WNK1: variants seen among roughly 807,000 people sequenced by gnomAD.
The protein encoded by WNK1 is serine/threonine-protein kinase WNK1.
Under a neutral mutation model 222.8 loss-of-function variants are expected in WNK1, and 38 were observed. That is an observed-to-expected ratio of 0.17 (90% CI 0.13 to 0.22). The LOEUF (loss-of-function observed/expected upper bound fraction) is 0.22. WNK1 is among the 10% of genes least tolerant of loss of function. WNK1 has a pLI of 1.00. For missense variants in WNK1, 2,348 were observed against 2,918.4 expected (o/e 0.80, Z 4.50); for synonymous variants, 1,090 against 1,092.9 (o/e 1.00, Z 0.05).
chr12:781,592 A>T (rs930039332), intron 1 of WNK1, among the ~76,000 whole-genome samples: 1 of 152,192 alleles, frequency 6.6e-6, no homozygotes, highest in African/African-American at 2.4e-5. Flanking sequence ...ATTATAATTA[A>T]ATGATCTGTT....
In WNK1 at chr12:764,601, A is replaced by T. The variant is rs564586020; in HGVS notation, c.759+10277A>T. ...TGGTGAGCCGAGATCACAGCATTGC[A>T]CTCCAGCCTGGGCAACGAGCGAAAC... On this transcript the variant is annotated intron_variant, in intron 1 of 27. Coordinates refer to ENST00000315939, the MANE Select transcript of WNK1 (RefSeq NM_018979.4). Among the ~76,000 whole-genome samples the T allele has an allele frequency of 2.0e-3, 252 of 122,996 alleles. 7 individuals carry two copies. Among genetic ancestry groups the T allele is most frequent in the African/African-American group, 7.2e-3 (248 of 34,640 alleles). 80.7% of individuals were successfully genotyped at this position (122,996 alleles called of 152,430 possible).
At chr12:866,640 G>A (rs531537882) in intron 8 of WNK1, among the ~76,000 whole-genome samples, 26 of 152,250 alleles carry the variant, frequency 1.7e-4, no homozygotes, top group African/African-American at 4.3e-4. Context: ...GATTACAGGC[G>A]TGAGCCACCG....
At chr12:859,727 A>C (rs906954026) in intron 6 of WNK1, among the ~76,000 whole-genome samples, 1 of 144,416 alleles carries the variant, frequency 6.9e-6, no homozygotes, top group East Asian at 2.0e-4. Context: ...TTTTTGATGG[A>C]GAGAGAGACA....
chr12:771,635 A>G (rs1051983137), intron 1 of WNK1, among the ~76,000 whole-genome samples: 22 of 151,890 alleles, frequency 1.4e-4, no homozygotes, highest in African/African-American at 5.1e-4. Flanking sequence ...CGGTTTCACC[A>G]TATTGGCCCG....
intron 1 of WNK1, 90 bp downstream of exon 1, chr12:754,414 A>C: frequency 6.4e-7 from 1 of 1,558,490 alleles, no homozygotes; most frequent in Non-Finnish European, 8.8e-7. Flanking sequence ...TTCACTTGGC[A>C]TTCTCTGTTG....
chr12:831,064 C>T (rs1333705660), intron 4 of WNK1, among the ~76,000 whole-genome samples: 1 of 152,068 alleles, frequency 6.6e-6, no homozygotes, highest in East Asian at 1.9e-4. Flanking sequence ...CTAGTTTATT[C>T]TTCTATATTT....
At position 844,308 on chromosome 12, in the gene WNK1, A is replaced by T. The variant is rs145790669; in HGVS notation, c.1312-12853A>T. On this transcript the variant is annotated intron_variant, in intron 4 of 27. Coordinates refer to ENST00000315939, the MANE Select transcript of WNK1 (RefSeq NM_018979.4). ...GGGCCACCACAGCCGGCTAACATGT[A>T]TTTTCTGGTAGAGATGGGGGTTTCA... is the stretch of plus-strand genomic sequence containing the variant. Among the ~76,000 whole-genome samples the T allele has an allele frequency of 9.9e-5, 15 of 151,800 alleles. No individual in the cohort carries two copies. In the East Asian group the frequency reaches 2.9e-3, roughly 29 times the overall value.
chr12:907,642 C>A, intron 26 of WNK1: 1 of 644,832 alleles, frequency 1.6e-6, no homozygotes, highest in Admixed American at 2.4e-5. Flanking sequence ...TTAGCAGCAG[C>A]TACTGAAGAG....
Position 880,932 on chromosome 12 carries a change from A to C in WNK1, c.3044A>C (p.Gln1015Pro). 6.2e-7 allele frequency: 1 copy of C among 1,614,162 alleles called. No individual in the cohort carries two copies. Reference protein sequence around the residue: ...VPMGGVGGQVQVSQPGGSLAQ... With the variant: ...VPMGGVGGQVPVSQPGGSLAQ... The stretch of plus-strand genomic sequence containing the variant: ...ATGGGTGGTGTAGGAGGACAGGTTC[A>C]AGTGTCCCAGCCAGGAGGGAGTTTA... The change falls in exon 12 of 28, where the codon CAA (glutamine) becomes CCA (proline). Residue 1015 changes from glutamine to proline, a missense_variant. By Grantham distance (76) the Gln-to-Pro change is moderately conservative. Around this residue, in one of 13 missense-constraint regions of WNK1, gnomAD observed 547 missense variants for 558.3 expected, o/e 0.98. Transcript: ENST00000315939.
chr12:842,930 T>G (rs1302866705), intron 4 of WNK1, among the ~76,000 whole-genome samples: 1 of 152,062 alleles, frequency 6.6e-6, no homozygotes, highest in African/African-American at 2.4e-5. Flanking sequence ...TGATTTTATT[T>G]ATTTATTTAT....
At chr12:797,360 G>A (rs1945410954) in intron 1 of WNK1, among the ~76,000 whole-genome samples, 2 of 152,086 alleles carry the variant, frequency 1.3e-5, no homozygotes, top group Non-Finnish European at 2.9e-5. Context: ...TTCTATATAA[G>A]AGAAACATCA....
intron 8 of WNK1, among the ~76,000 whole-genome samples, chr12:869,698 A>G (rs911812981): frequency 2.0e-5 from 3 of 152,162 alleles, no homozygotes; most frequent in Non-Finnish European, 2.9e-5. Flanking sequence ...CCTTTTTAAA[A>G]TGGCATCAGT....
chr12:809,210 T>C (rs892465594), intron 1 of WNK1, among the ~76,000 whole-genome samples: 140 of 149,964 alleles, frequency 9.3e-4, no homozygotes, highest in African/African-American at 3.4e-3. Context: ...GATTTTTTTT[T>C]CCTATTCTTT....
intron 8 of WNK1, chr12:864,991 T>A: frequency 7.6e-7 from 1 of 1,323,206 alleles, no homozygotes; most frequent in Non-Finnish European, 9.9e-7. Context: ...ACTGACTTTG[T>A]GGAATTGGGA....
intron 4 of WNK1, 114 bp downstream of exon 4, chr12:830,274 A>C: frequency 8.3e-7 from 1 of 1,212,086 alleles, no homozygotes; most frequent in Non-Finnish European, 1.2e-6. Flanking sequence ...TACTGAGTGA[A>C]CTGTTGGGGT....
chr12:844,244 G>C (rs988804071), intron 4 of WNK1, among the ~76,000 whole-genome samples: 1 of 151,784 alleles, frequency 6.6e-6, no homozygotes, highest in Non-Finnish European at 1.5e-5. Flanking sequence ...TGATTCTCCC[G>C]CTTCAACCTC....
rs72647372 is a variant in WNK1 at position 754,143 on chromosome 12, C to T, written c.578C>T (p.Pro193Leu). The change falls in exon 1 of 28, where the codon CCA becomes CTA. Residue 193 changes from proline to leucine, a missense_variant. Physicochemically the swap from Pro to Leu is moderately conservative, Grantham distance 98 (BLOSUM62 -3). Transcript: ENST00000315939. The stretch of plus-strand genomic sequence containing the variant: ...AGCGGCGGCGGCAGCGCCAAGGAGC[C>T]ACAGGAGGAACGGAGCCAGCAGCAG... Reference protein sequence around the residue: ...SGSGGGSAKEPQEERSQQQDD... With the variant: ...SGSGGGSAKELQEERSQQQDD... 1 of 1,612,788 alleles carries T rather than the reference C, an allele frequency of 6.2e-7. No homozygotes were observed. Among genetic ancestry groups the T allele is most frequent in the Non-Finnish European group, 8.5e-7 (1 of 1,180,034 alleles).
At chr12:860,349 T>G (rs1307541021) in intron 6 of WNK1, among the ~76,000 whole-genome samples, 2 of 152,216 alleles carry the variant, frequency 1.3e-5, no homozygotes, top group African/African-American at 2.4e-5. Flanking sequence ...AGATCACTCT[T>G]CCATAAGGAA....
In WNK1 at chr12:911,037, T is replaced by G. The variant is rs1295827787; in HGVS notation, c.*2245T>G. 1 of 341,658 alleles carries G rather than the reference T, an allele frequency of 2.9e-6. No homozygotes were observed. Among genetic ancestry groups the G allele is most frequent in the Non-Finnish European group, 5.2e-6 (1 of 192,036 alleles). The allele number at this position is 341,658 out of a possible 1,614,324, so 21.2% of individuals were successfully genotyped here. On this transcript the variant is annotated 3_prime_UTR_variant, in exon 28 of 28. Transcript: ENST00000315939. ...ATGCAGCACATTATCATTTGTTATT[T>G]GGGTTTAATAATAATTTTGACATCT...
Sources: allele counts gnomAD v4.1 joint callset (sites outside exome capture counted in the v4.1 genomes callset), GRCh38; gene constraint gnomAD v4.1.1; regional missense constraint gnomAD v4.1.1; transcripts MANE v1.5; gene names NCBI Gene and HGNC (gene_info 2026-07-23, HGNC 2026-07-21).